CACNA1C: variants seen among roughly 807,000 people sequenced by gnomAD.
CACNA1C encodes voltage-dependent L-type calcium channel subunit alpha-1C.
A neutral mutation model predicts 229.0 loss-of-function variants in CACNA1C; 30 were observed. The observed-to-expected ratio is 0.13, with a 90% CI of 0.10 to 0.18. CACNA1C has a LOEUF of 0.18. Among genes scored for constraint, CACNA1C ranks in the 10% least tolerant of loss-of-function variants. CACNA1C has a pLI of 1.00. For synonymous variants in CACNA1C, 1,114 were observed against 1,132.5 expected (o/e 0.98, Z 0.33); for missense variants, 1,658 against 2,845.0 (o/e 0.58, Z 9.49).
chr12:2,298,597 A>C (rs755562567), intron 3 of CACNA1C, among the ~76,000 whole-genome samples: 2 of 152,210 alleles, frequency 1.3e-5, no homozygotes, highest in African/African-American at 2.4e-5. Context: ...GTGCCTGGCC[A>C]GGTGACAGGG....
intron 3 of CACNA1C, among the ~76,000 whole-genome samples, chr12:2,441,870 G>A (rs2099231235): frequency 6.6e-6 from 1 of 152,170 alleles, no homozygotes; most frequent in African/African-American, 2.4e-5. Flanking sequence ...CAGCATGTGG[G>A]ATTATGGCAT....
At chr12:2,460,755 G>T (rs140281958) in intron 5 of CACNA1C, among the ~76,000 whole-genome samples, 1 of 152,318 alleles carries the variant, frequency 6.6e-6, no homozygotes, top group African/African-American at 2.4e-5. Flanking sequence ...ATTTGCTGTT[G>T]TGGGTGCCTT....
chr12:2,438,662 C>T (rs1013204958), intron 3 of CACNA1C, among the ~76,000 whole-genome samples: 24 of 151,908 alleles, frequency 1.6e-4, no homozygotes, highest in Admixed American at 8.5e-4. Flanking sequence ...CTGTGACAGA[C>T]CTTGAACCAT....
intron 5 of CACNA1C, among the ~76,000 whole-genome samples, chr12:2,466,562 G>T (rs2099552169): frequency 6.6e-6 from 1 of 152,206 alleles, no homozygotes; most frequent in African/African-American, 2.4e-5. Context: ...CCCATCCCTT[G>T]CTTTTTCCAC....
intron 3 of CACNA1C, among the ~76,000 whole-genome samples, chr12:2,407,947 C>A (rs557721538): frequency 6.6e-6 from 1 of 152,296 alleles, no homozygotes; most frequent in South Asian, 2.1e-4. Context: ...AGAAACACTG[C>A]GGCTTCACCC....
At chr12:2,390,202 A>G (rs1327325177) in intron 3 of CACNA1C, among the ~76,000 whole-genome samples, 4 of 152,214 alleles carry the variant, frequency 2.6e-5, no homozygotes, top group African/African-American at 9.6e-5. Flanking sequence ...GTAATTTTGC[A>G]TTCAAACAGA....
chr12:2,679,578 G>A lies in CACNA1C; in HGVS notation c.5226G>A (p.Ser1742=), dbSNP rs368281620. Residue 1742 remains serine, a synonymous_variant, in exon 42 of 47, where the codon TCG becomes TCA. Coordinates refer to ENST00000399655, the MANE Select transcript of CACNA1C (RefSeq NM_000719.7). The surrounding 1 kb of genome is among the most constrained non-coding windows in gnomAD (Gnocchi z 5.5). The part of the protein sequence containing the change: ...KAGSSQGDTE[S]PSHEKLVDST... ...GCAGCAGCCAGGGCGACACTGAGTC[G>A]CCATCCCACGAGAAGCTGGTGGACT... 3.0e-5 allele frequency: 49 copies of A among 1,613,508 alleles called. No individual in the cohort carries two copies. Among genetic ancestry groups the A allele is most frequent in the African/African-American group, 5.3e-5 (4 of 74,914 alleles).
intron 42 of CACNA1C, chr12:2,680,258 C>A: frequency 1.2e-6 from 1 of 852,696 alleles, no homozygotes; most frequent in Non-Finnish European, 1.8e-6. Context: ...CCATCTGTAG[C>A]ACTGGCCCAT....
intron 3 of CACNA1C, among the ~76,000 whole-genome samples, chr12:2,124,098 C>T (rs530349542): frequency 1.5e-5 from 2 of 136,910 alleles, no homozygotes; most frequent in Admixed American, 7.8e-5. Context: ...TCTCCTTCCA[C>T]TGGTCTAGCT....
chr12:2,611,856 C>A (rs781776174), intron 28 of CACNA1C, 47 bp from the exon 29 acceptor site: 6 of 1,217,902 alleles, frequency 4.9e-6, no homozygotes, highest in South Asian at 1.2e-5. Context: ...GGAGGAGGAG[C>A]GACCTCCCTG....
Position 2,665,750 on chromosome 12 carries a change from A to G in CACNA1C, c.4526+42A>G. ...AAATCCTGATTCCCCAAGCTGAGAG[A>G]GGGTATAGCTGACCATACCTGCAGG... On this transcript the variant is annotated intron_variant, in intron 36 of 46. Coordinates refer to ENST00000399655, the MANE Select transcript of CACNA1C (RefSeq NM_000719.7). This position sits in a 1 kb window ranked among gnomAD's most constrained non-coding sequence, Gnocchi z 5.9. The G allele has an allele frequency of 1.9e-6, 3 of 1,590,126 alleles. No individual in the cohort carries two copies. Among genetic ancestry groups the G allele is most frequent in the Non-Finnish European group, 1.7e-6 (2 of 1,166,622 alleles).
At chr12:2,620,942 G>A (rs538160665) in intron 29 of CACNA1C, among the ~76,000 whole-genome samples, 2 of 152,322 alleles carry the variant, frequency 1.3e-5, no homozygotes, top group African/African-American at 2.4e-5. Flanking sequence ...GTGTCAGAAA[G>A]GATTGAGACC....
At chr12:2,420,148 T>TGTGTGTGTGTGTGTGTGTGG (rs58661833) in intron 3 of CACNA1C, among the ~76,000 whole-genome samples, 2 of 125,746 alleles carry the variant, frequency 1.6e-5, no homozygotes, top group African/African-American at 2.7e-5. Context: ...TGTGTGTGTG[T>TGTGTGTGTGTGTGTGTGTGG]AGGGGGAGGG....
intron 3 of CACNA1C, among the ~76,000 whole-genome samples, chr12:2,401,070 C>T (rs896477121): frequency 4.6e-5 from 7 of 152,214 alleles, no homozygotes; most frequent in Non-Finnish European, 1.0e-4. Context: ...CCTTCAGTCT[C>T]TCCCAGCTCC....
intron 3 of CACNA1C, among the ~76,000 whole-genome samples, chr12:2,385,608 T>C (rs184922970): frequency 8.5e-5 from 13 of 152,220 alleles, no homozygotes; most frequent in Admixed American, 8.5e-4. Flanking sequence ...TCCCCCTGCC[T>C]CCCTCCATTC....
At chr12:2,336,431 A>C (rs758935075) in intron 3 of CACNA1C, among the ~76,000 whole-genome samples, 7 of 149,158 alleles carry the variant, frequency 4.7e-5, no homozygotes, top group Admixed American at 1.4e-4. Context: ...GCCCAGGTAC[A>C]TGATTCCTAT....
At chr12:2,260,692 G>A (rs1279910165) in intron 3 of CACNA1C, among the ~76,000 whole-genome samples, 1 of 152,148 alleles carries the variant, frequency 6.6e-6, no homozygotes, top group African/African-American at 2.4e-5. Context: ...CTTGTTGGCT[G>A]TGTGATCTTA....
At position 2,467,541 on chromosome 12, in the gene CACNA1C, G is replaced by A. The variant is rs1243424034; in HGVS notation, c.757+9835G>A. ...CTTCCCACCCAGGCAGCCTGGGGTT[G>A]TGCTCTGCAGATGGGGCAGAGCACC... is the stretch of plus-strand genomic sequence containing the variant. On this transcript the variant is annotated intron_variant, in intron 5 of 46. Transcript: ENST00000399655. The surrounding 1 kb of genome is among the most constrained non-coding windows in gnomAD (Gnocchi z 4.6). 6.6e-6 allele frequency among the ~76,000 whole-genome samples: 1 copy of A among 152,212 alleles called. No homozygotes were observed. The highest frequency in any genetic ancestry group is 1.9e-4 in the East Asian group (1 of 5,182).
chr12:2,109,588 T>C (rs576184432), intron 1 of CACNA1C, among the ~76,000 whole-genome samples: 1 of 152,272 alleles, frequency 6.6e-6, no homozygotes, highest in Non-Finnish European at 1.5e-5. Context: ...TGTTGTAAGC[T>C]GTTGACAAGG....
Sources: allele counts gnomAD v4.1 joint callset (sites outside exome capture counted in the v4.1 genomes callset), GRCh38; gene constraint gnomAD v4.1.1; non-coding constraint Gnocchi (gnomAD v3.1); transcripts MANE v1.5; gene names NCBI Gene and HGNC (gene_info 2026-07-23, HGNC 2026-07-21).